TXLNB: variants seen among roughly 807,000 people sequenced by gnomAD.
TXLNB encodes beta-taxilin.
Under a neutral mutation model 57.4 loss-of-function variants are expected in TXLNB, and 37 were observed. That is an observed-to-expected ratio of 0.64 (90% CI 0.50 to 0.85). TXLNB has a LOEUF of 0.85. Among genes scored for constraint, TXLNB ranks in the 40% least tolerant of loss-of-function variants. TXLNB has a pLI of 0.00. For synonymous variants in TXLNB, 302 were observed against 309.6 expected, an observed-to-expected ratio of 0.98 and a Z score of 0.26; for missense variants, 848 against 825.6, an observed-to-expected ratio of 1.03 and a Z score of -0.33.
the TXLNB span, among the ~76,000 whole-genome samples, chr6:139,302,338 A>T: frequency 6.7e-6 from 1 of 150,000 alleles, no homozygotes; most frequent in South Asian, 2.1e-4. Flanking sequence ...AAAAAAAAGG[A>T]GCTGTTTTAA....
At chr6:139,319,579 T>C in the TXLNB span, among the ~76,000 whole-genome samples, 9 of 151,870 alleles carry the variant, frequency 5.9e-5, no homozygotes, top group African/African-American at 2.2e-4. Context: ...CTGGGCAACA[T>C]AGGGAGAACC....
chr6:139,211,969 T>C, the TXLNB span, among the ~76,000 whole-genome samples: 1 of 152,064 alleles, frequency 6.6e-6, no homozygotes, highest in Non-Finnish European at 1.5e-5. Context: ...CCAAGAAATA[T>C]GGGACTAGTG....
At chr6:139,234,036 T>C in the TXLNB span, among the ~76,000 whole-genome samples, 1 of 152,222 alleles carries the variant, frequency 6.6e-6, no homozygotes, top group Admixed American at 6.5e-5. Context: ...TAAAGGTCAC[T>C]CTTGCTATGC....
the TXLNB span, among the ~76,000 whole-genome samples, chr6:139,211,484 CA>C: frequency 6.0e-4 from 92 of 152,168 alleles, no homozygotes; most frequent in Non-Finnish European, 1.2e-3. Context: ...ATCTGTACGT[CA>C]CCATCATCAA....
chr6:139,165,400 T>G, the TXLNB span, among the ~76,000 whole-genome samples: 2 of 152,212 alleles, frequency 1.3e-5, no homozygotes, highest in Non-Finnish European at 2.9e-5. Context: ...AACCTACATT[T>G]ACACATCATT....
At chr6:139,247,333 G>C (rs1476361889) in intron 8 of TXLNB, among the ~76,000 whole-genome samples, 1 of 151,896 alleles carries the variant, frequency 6.6e-6, no homozygotes, top group African/African-American at 2.4e-5. Flanking sequence ...GTAGAGACAG[G>C]GTTTCACCAT....
the TXLNB span, chr6:139,177,308 A>G: frequency 2.3e-6 from 1 of 443,454 alleles, no homozygotes; most frequent in Non-Finnish European, 4.1e-6. The surrounding 1 kb of genome is among the most constrained non-coding windows in gnomAD (Gnocchi z 4.9). Flanking sequence ...CAGAGCCCAG[A>G]TGGGTAATCC....
At chr6:139,239,869 CAT>C (rs72115299), downstream of TXLNB, among the ~76,000 whole-genome samples, 1,721 of 151,456 alleles carry the variant, frequency 0.011, 33 homozygotes, top group African/African-American at 0.039. This position sits in a 1 kb window ranked among gnomAD's most constrained non-coding sequence, Gnocchi z 4.7. Context: ...CTGTCTGTCA[CAT>C]ACACACACAC....
chr6:139,212,516 G>A, the TXLNB span, among the ~76,000 whole-genome samples: 1 of 152,210 alleles, frequency 6.6e-6, no homozygotes, highest in Non-Finnish European at 1.5e-5. Context: ...ACCAGCCACT[G>A]CAAAAACATG....
chr6:139,164,834 G>GT, the TXLNB span, among the ~76,000 whole-genome samples: 1 of 150,124 alleles, frequency 6.7e-6, no homozygotes, highest in Non-Finnish European at 1.5e-5. Flanking sequence ...ACTCTTTTGG[G>GT]CCTGTGGCAA....
At chr6:139,196,075 AGCAG>A in the TXLNB span, among the ~76,000 whole-genome samples, 1 of 152,134 alleles carries the variant, frequency 6.6e-6, no homozygotes, top group Non-Finnish European at 1.5e-5. Context: ...AATAGTTGTC[AGCAG>A]CAAATATTTT....
Position 139,242,963 on chromosome 6 carries a change from C to G in TXLNB, c.1618G>C (p.Glu540Gln). 1 of 1,614,118 alleles carries G rather than the reference C, an allele frequency of 6.2e-7. No individual in the cohort carries two copies. Among genetic ancestry groups the G allele is most frequent in the Non-Finnish European group, 8.5e-7 (1 of 1,180,030 alleles). Residue 540 changes from glutamate (E) to glutamine (Q), a missense_variant, in exon 10 of 10, where the codon GAG (glutamate) becomes CAG (glutamine). Glu to Gln is a conservative substitution (Grantham distance 29). Coordinates refer to ENST00000358430, the MANE Select transcript of TXLNB (RefSeq NM_153235.4). The stretch of plus-strand genomic sequence containing the variant: ...GGGATCAGAGGGGGTTGCTCTGGCT[C>G]CTTGAGAGCGGCGTCAGCACTCTCC... ...SQESADAALKEPEQPPLIPSR... is the reference protein window; with the variant it reads ...SQESADAALKQPEQPPLIPSR...
the TXLNB span, among the ~76,000 whole-genome samples, chr6:139,203,849 T>G: frequency 7.5e-6 from 1 of 133,398 alleles, no homozygotes; most frequent in African/African-American, 3.0e-5. Flanking sequence ...ACCTTAGCAT[T>G]TATACTTAGG....
the TXLNB span, among the ~76,000 whole-genome samples, chr6:139,175,118 G>A: frequency 6.6e-6 from 1 of 152,124 alleles, no homozygotes; most frequent in East Asian, 1.9e-4. Context: ...ATGCTATGAG[G>A]ACATCTGAAA....
At position 139,262,535 on chromosome 6, in the gene TXLNB, T is replaced by A. The variant is rs374780732; in HGVS notation, c.882+44A>T. 1.2e-5 allele frequency: 18 copies of A among 1,489,882 alleles called. No homozygotes were observed. In the African/African-American group the frequency reaches 2.4e-4, roughly 20 times the overall value. The allele number at this position is 1,489,882 out of a possible 1,614,324, so 92.3% of individuals were successfully genotyped here. A position where few individuals can be genotyped will look rare whatever the true frequency, so the allele number is the denominator to read the frequency against. On this transcript the variant is annotated intron_variant, in intron 5 of 9. Coordinates refer to ENST00000358430, the MANE Select transcript of TXLNB (RefSeq NM_153235.4). Reference sequence around the variant, plus strand: ...CAAGTTCCCACCTTTAGCTCCCAGATCCGGATCTATGTACTGTTCTAAGTT... The same window carrying A: ...CAAGTTCCCACCTTTAGCTCCCAGAACCGGATCTATGTACTGTTCTAAGTT...
chr6:139,247,763 T>G, intron 8 of TXLNB, 54 bp downstream of exon 8: 1 of 1,298,238 alleles, frequency 7.7e-7, no homozygotes, highest in Non-Finnish European at 1.1e-6. Flanking sequence ...CAAAGGAAAT[T>G]TGCCTGTCAA....
chr6:139,166,755 A>G, the TXLNB span: 1 of 1,613,772 alleles, frequency 6.2e-7, no homozygotes. Flanking sequence ...ATGGACCGGC[A>G]GAACTCCCAG....
At chr6:139,310,786 C>G in the TXLNB span, among the ~76,000 whole-genome samples, 1 of 152,192 alleles carries the variant, frequency 6.6e-6, no homozygotes, top group Non-Finnish European at 1.5e-5. Context: ...CCTCCGCCTC[C>G]CGGATTCAAG....
At chr6:139,196,858 AT>A in the TXLNB span, among the ~76,000 whole-genome samples, 2 of 152,178 alleles carry the variant, frequency 1.3e-5, no homozygotes, top group Non-Finnish European at 2.9e-5. Flanking sequence ...CTGAAAAAAA[AT>A]AAATGAATTC....
Sources: gnomAD v4.1 joint callset for allele counts (sites outside exome capture counted in the v4.1 genomes callset) on GRCh38, gnomAD v4.1.1 for gene constraint, Gnocchi (gnomAD v3.1) non-coding constraint, MANE v1.5 for transcripts, NCBI Gene and HGNC (gene_info 2026-07-23, HGNC 2026-07-21) for gene names.